RIMS1: variants seen among roughly 807,000 people sequenced by gnomAD.
RIMS1 encodes the protein regulating synaptic membrane exocytosis 1, also known as regulating synaptic membrane exocytosis protein 1.
Under a neutral mutation model 214.1 loss-of-function variants are expected in RIMS1, and 83 were observed. The ratio of observed to expected loss-of-function variants is 0.39; its 90% CI spans 0.32 to 0.47. The LOEUF (loss-of-function observed/expected upper bound fraction) is 0.47, where lower values mean the gene tolerates loss of function less well. RIMS1 is among the 20% of genes least tolerant of loss of function. The pLI is 0.99. For missense variants in RIMS1, 2,050 were observed against 2,161.8 expected (o/e 0.95, Z 1.03); for synonymous variants, 793 against 786.8 (o/e 1.01, Z -0.13).
intron 6 of RIMS1, among the ~76,000 whole-genome samples, chr6:72,185,988 T>C (rs745450289): frequency 1.3e-5 from 2 of 152,252 alleles, no homozygotes; most frequent in Non-Finnish European, 2.9e-5. Context: ...TTCTTTATGG[T>C]TTCCTTAATA....
At chr6:72,056,045 A>T (rs1231950662) in intron 2 of RIMS1, among the ~76,000 whole-genome samples, 2 of 151,326 alleles carry the variant, frequency 1.3e-5, no homozygotes, top group Non-Finnish European at 2.9e-5. Context: ...GGATAAAGAA[A>T]ATGTGGTACA....
At chr6:71,889,297 A>G (rs532237829) in intron 1 of RIMS1, among the ~76,000 whole-genome samples, 1 of 152,344 alleles carries the variant, frequency 6.6e-6, no homozygotes, top group Admixed American at 6.5e-5. Flanking sequence ...GCTAACTGCC[A>G]AAGGACAGCA....
At chr6:72,026,215 G>T (rs950079915) in intron 2 of RIMS1, among the ~76,000 whole-genome samples, 2 of 152,136 alleles carry the variant, frequency 1.3e-5, no homozygotes, top group Non-Finnish European at 2.9e-5. Context: ...TTTATTATTT[G>T]TTCAGCATAG....
chr6:71,913,561 A>C (rs986576662), intron 1 of RIMS1, among the ~76,000 whole-genome samples: 3 of 152,182 alleles, frequency 2.0e-5, no homozygotes, highest in Non-Finnish European at 2.9e-5. Flanking sequence ...AAACAGTTAC[A>C]GCTAATCCTA....
intron 4 of RIMS1, among the ~76,000 whole-genome samples, chr6:72,150,116 G>A (rs530071953): frequency 4.6e-5 from 7 of 152,062 alleles, no homozygotes; most frequent in African/African-American, 1.7e-4. Flanking sequence ...GAAGTCAAGT[G>A]GTTTCTCTCA....
chr6:72,002,305 C>CAA (rs779478212), intron 2 of RIMS1, among the ~76,000 whole-genome samples: 33 of 127,306 alleles, frequency 2.6e-4, no homozygotes, highest in Non-Finnish European at 2.9e-4. Flanking sequence ...ATGTTATTAG[C>CAA]AAAAAAAAAA....
chr6:72,250,865 C>T, intron 13 of RIMS1, 56 bp from the exon 14 acceptor site: 1 of 941,746 alleles, frequency 1.1e-6, no homozygotes, highest in African/African-American at 1.7e-5. Flanking sequence ...CATGTAACTA[C>T]AGTAGATGGC....
chr6:72,115,898 T>C (rs375750103), intron 4 of RIMS1, among the ~76,000 whole-genome samples: 2 of 151,978 alleles, frequency 1.3e-5, no homozygotes, highest in African/African-American at 4.8e-5. Flanking sequence ...TCATTCTAAA[T>C]TGTGTTACAG....
intron 2 of RIMS1, among the ~76,000 whole-genome samples, chr6:71,973,217 G>T (rs1431875656): frequency 6.6e-6 from 1 of 152,116 alleles, no homozygotes; most frequent in Non-Finnish European, 1.5e-5. Flanking sequence ...CAGTAATATG[G>T]ATTTTAAAGA....
intron 6 of RIMS1, among the ~76,000 whole-genome samples, chr6:72,224,125 A>C (rs191256545): frequency 7.9e-4 from 121 of 152,306 alleles, no homozygotes; most frequent in African/African-American, 2.8e-3. Flanking sequence ...AACCTGATAT[A>C]GTAATGATAA....
At chr6:72,231,754 T>C (rs2062044177) in intron 6 of RIMS1, among the ~76,000 whole-genome samples, 1 of 151,732 alleles carries the variant, frequency 6.6e-6, no homozygotes, top group Non-Finnish European at 1.5e-5. Flanking sequence ...CATTGAATCT[T>C]ACCCAGAAAC....
intron 15 of RIMS1, 78 bp from the exon 16 acceptor site, chr6:72,252,681 TAA>T: frequency 8.6e-7 from 1 of 1,163,108 alleles, no homozygotes; most frequent in Non-Finnish European, 1.3e-6. Context: ...ATTCACTTTT[TAA>T]AAAAAGTTTG....
intron 1 of RIMS1, among the ~76,000 whole-genome samples, chr6:71,953,396 G>C (rs980198928): frequency 2.0e-5 from 3 of 152,162 alleles, no homozygotes; most frequent in Admixed American, 6.5e-5. Context: ...AATACACCTT[G>C]GCTACTGTGA....
intron 2 of RIMS1, among the ~76,000 whole-genome samples, chr6:72,009,652 T>A (rs1312153497): frequency 6.6e-6 from 1 of 152,132 alleles, no homozygotes; most frequent in East Asian, 1.9e-4. Flanking sequence ...ATATCACCAC[T>A]GATCCCACAG....
chr6:72,383,886 AT>A (rs1328829307), intron 29 of RIMS1, among the ~76,000 whole-genome samples: 8 of 152,260 alleles, frequency 5.3e-5, no homozygotes, highest in South Asian at 4.1e-4. Flanking sequence ...AATAAAAAAA[AT>A]ATATTATTTC....
intron 5 of RIMS1, among the ~76,000 whole-genome samples, chr6:72,180,727 T>C (rs2048300437): frequency 6.6e-6 from 1 of 152,254 alleles, no homozygotes; most frequent in African/African-American, 2.4e-5. Flanking sequence ...CCAGGACTTT[T>C]GTTAGCACCT....
intron 6 of RIMS1, among the ~76,000 whole-genome samples, chr6:72,187,172 A>T (rs2049255551): frequency 6.6e-6 from 1 of 152,012 alleles, no homozygotes; most frequent in Non-Finnish European, 1.5e-5. Context: ...GGAGGGAAGG[A>T]AGAGAGGAAT....
intron 2 of RIMS1, among the ~76,000 whole-genome samples, chr6:72,014,517 G>A (rs1317670821): frequency 6.6e-6 from 1 of 152,094 alleles, no homozygotes; most frequent in African/African-American, 2.4e-5. Flanking sequence ...TCAGTTGTTG[G>A]ACATTTGGGT....
chr6:72,283,070 T>A (rs908604414), intron 23 of RIMS1, among the ~76,000 whole-genome samples: 4 of 151,998 alleles, frequency 2.6e-5, no homozygotes, highest in Admixed American at 2.6e-4. Flanking sequence ...TTAATTAGGA[T>A]GTCACACATT....
Sources: gnomAD v4.1 joint callset for allele counts (sites outside exome capture counted in the v4.1 genomes callset) on GRCh38, gnomAD v4.1.1 for gene constraint, MANE v1.5 for transcripts, NCBI Gene and HGNC (gene_info 2026-07-23, HGNC 2026-07-21) for gene names.